Variants in KCNK12 observed in about 807,000 individuals in gnomAD.
KCNK12 encodes potassium two pore domain channel subfamily K member 12.
In KCNK12, 6 loss-of-function variants were observed where a neutral mutation model predicts 25.3. The ratio of observed to expected loss-of-function variants is 0.24; its 90% CI spans 0.13 to 0.47. The LOEUF is 0.47. Among genes scored for constraint, KCNK12 ranks in the 20% least tolerant of loss-of-function variants. The probability of loss-of-function intolerance (pLI) is 0.99; values close to 1 mark genes in which losing one functional copy is unlikely to be tolerated. For missense variants in KCNK12, 444 were observed against 661.7 expected (o/e 0.67, Z 3.61); for synonymous variants, 331 against 311.1 (o/e 1.06, Z -0.67).
chr2:47,521,857 C>T, intron 1 of KCNK12, 49 bp from the exon 2 acceptor site: 1 of 1,444,312 alleles, frequency 6.9e-7, no homozygotes. Context: ...GCAGGTGGTC[C>T]TCACTGGGCG....
Position 47,521,476 on chromosome 2 carries a change from C to T in KCNK12, c.724G>A (p.Asp242Asn). 3.1e-6 allele frequency: 5 copies of T among 1,610,068 alleles called. No homozygotes were observed. The highest frequency in any genetic ancestry group is 4.2e-6 in the Non-Finnish European group (5 of 1,178,372). Residue 242 changes from aspartate to asparagine, a missense_variant, in exon 2 of 2, where the codon GAC becomes AAC. Physicochemically the swap from Asp to Asn is conservative, Grantham distance 23. Transcript: ENST00000327876. ...SAMYTSVEGW[D>N]YVDSLYFCFV... is the part of the protein sequence containing the mutation. ...CAGAAGTAGAGCGAGTCCACGTAGT[C>T]CCAGCCCTCCACGCTGGTGTACATG...
Position 47,569,728 on chromosome 2 carries a change from G to C in KCNK12, c.391+213C>G, listed in dbSNP as rs1195175969. Among the ~76,000 whole-genome samples, 1 of 152,180 alleles carries C rather than the reference G, an allele frequency of 6.6e-6. No individual in the cohort carries two copies. The highest frequency in any genetic ancestry group is 1.5e-5 in the Non-Finnish European group (1 of 68,032). On this transcript the variant is annotated intron_variant, in intron 1 of 1. Transcript: ENST00000327876. This position sits in a 1 kb window ranked among gnomAD's most constrained non-coding sequence, Gnocchi z 4.1. ...GGAGCACAGGCGGCCCGGGGTGAGC[G>C]CCAGAGGTGGGCTTTCTTCCCTCAC...
In KCNK12 at chr2:47,512,315, A is replaced by C; in HGVS notation, c.*8592T>G. On this transcript the variant is annotated 3_prime_UTR_variant, in exon 2 of 2. Coordinates refer to ENST00000327876, the MANE Select transcript of KCNK12 (RefSeq NM_022055.2). ...TCCTTCCTTTCAGAACCTCAGAGTG[A>C]CAGAGCCAAAAGACCAGTGCCTCAT... The C allele has an allele frequency of 6.2e-7, 1 of 1,612,648 alleles. No homozygotes were observed. The highest frequency in any genetic ancestry group is 8.5e-7 in the Non-Finnish European group (1 of 1,179,820).
In KCNK12 at chr2:47,540,399, C is replaced by A. The variant is rs545093824; in HGVS notation, c.392-18591G>T. Among the ~76,000 whole-genome samples the A allele has an allele frequency of 2.6e-5, 4 of 152,156 alleles. No homozygotes were observed. Among genetic ancestry groups the A allele is most frequent in the Admixed American group, 6.5e-5 (1 of 15,280 alleles). ...TCACCTGCTCAGGGTTTGAATGAGA[C>A]CCCGGTAACCGCAGCAGTAAAGACC... On this transcript the variant is annotated intron_variant, in intron 1 of 1. Coordinates refer to ENST00000327876, the MANE Select transcript of KCNK12 (RefSeq NM_022055.2). This position sits in a 1 kb window ranked among gnomAD's most constrained non-coding sequence, Gnocchi z 5.4.
intron 1 of KCNK12, among the ~76,000 whole-genome samples, chr2:47,561,875 T>C (rs1448011747): frequency 1.3e-5 from 2 of 152,194 alleles, no homozygotes; most frequent in African/African-American, 4.8e-5. Flanking sequence ...TAAACTATAC[T>C]GGAAGGAAGG....
chr2:47,517,677 G>A lies in KCNK12; in HGVS notation c.*3230C>T, dbSNP rs1435340362. On this transcript the variant is annotated 3_prime_UTR_variant, in exon 2 of 2. Coordinates refer to ENST00000327876, the MANE Select transcript of KCNK12 (RefSeq NM_022055.2). This position sits in a 1 kb window ranked among gnomAD's most constrained non-coding sequence, Gnocchi z 4.1. The stretch of plus-strand genomic sequence containing the variant: ...AAAATGAGAGCCTGAGATTGCCTAA[G>A]CCTTCTGATGCCTTCTCCAGGCCTG... The A allele has an allele frequency of 6.6e-6, 1 of 152,152 alleles. No individual in the cohort carries two copies. Among genetic ancestry groups the A allele is most frequent in the Non-Finnish European group, 1.5e-5 (1 of 68,054 alleles). 9.4% of individuals were successfully genotyped at this position (152,152 alleles called of 1,614,324 possible).
rs1320652504 is a variant in KCNK12 at position 47,555,408 on chromosome 2, G to C, written c.391+14533C>G. Among the ~76,000 whole-genome samples the C allele has an allele frequency of 6.6e-6, 1 of 152,042 alleles. No individual in the cohort carries two copies. The highest frequency in any genetic ancestry group is 1.5e-5 in the Non-Finnish European group (1 of 68,000). On this transcript the variant is annotated intron_variant, in intron 1 of 1. Transcript: ENST00000327876. This position sits in a 1 kb window ranked among gnomAD's most constrained non-coding sequence, Gnocchi z 4.5. ...CCCTCTCTGTACTCTTAATCACTGG[G>C]GACCCCACTGTCACTCTAGAGATTT...
rs537658844 is a variant in KCNK12, at chr2:47,531,411, T to C, written c.392-9603A>G. Among the ~76,000 whole-genome samples the C allele has an allele frequency of 2.2e-4, 34 of 151,732 alleles. 1 individual carries two copies. Among genetic ancestry groups the C allele is most frequent in the Middle Eastern group, 6.8e-3 (2 of 292 alleles). ...TGGCTTGAGCCCTGGAGGTCAAGGC[T>C]GCAGTGAGCCATGACTGCACCCTTG... On this transcript the variant is annotated intron_variant, in intron 1 of 1. Transcript: ENST00000327876.
chr2:47,521,925 T>C lies in KCNK12; in HGVS notation c.392-117A>G, dbSNP rs1006218786. 351 of 790,512 alleles carry C rather than the reference T, an allele frequency of 4.4e-4. 1 individual carries two copies. The highest frequency in any genetic ancestry group is 5.5e-4 in the Non-Finnish European group (288 of 522,740). 49.0% of individuals were successfully genotyped at this position (790,512 alleles called of 1,614,324 possible). A position where few individuals can be genotyped will look rare whatever the true frequency, so the allele number is the denominator to read the frequency against. Reference sequence around the variant, plus strand: ...GTGCTTGCGCGGCTCCTATCTCGAGTGGCACCACTCAGGTGGAGGAAGAAC... The same window carrying C: ...GTGCTTGCGCGGCTCCTATCTCGAGCGGCACCACTCAGGTGGAGGAAGAAC... On this transcript the variant is annotated intron_variant, in intron 1 of 1. Coordinates refer to ENST00000327876, the MANE Select transcript of KCNK12 (RefSeq NM_022055.2).
chr2:47,532,191 G>A (rs1337319637), intron 1 of KCNK12, among the ~76,000 whole-genome samples: 1 of 150,080 alleles, frequency 6.7e-6, no homozygotes, highest in African/African-American at 2.5e-5. Flanking sequence ...ACACATTCTA[G>A]TAACAATAAG....
chr2:47,556,781 C>A lies in KCNK12; in HGVS notation c.391+13160G>T, dbSNP rs1558563716. The stretch of plus-strand genomic sequence containing the variant: ...GTGGGAGTGTAAAGGACCTGTAGGT[C>A]TTACAGCCAAAGGATTATGATCTCA... On this transcript the variant is annotated intron_variant, in intron 1 of 1. Coordinates refer to ENST00000327876, the MANE Select transcript of KCNK12 (RefSeq NM_022055.2). The surrounding 1 kb of genome is among the most constrained non-coding windows in gnomAD (Gnocchi z 4.8). 6.6e-6 allele frequency among the ~76,000 whole-genome samples: 1 copy of A among 152,126 alleles called. No individual in the cohort carries two copies. The highest frequency in any genetic ancestry group is 1.5e-5 in the Non-Finnish European group (1 of 68,038).
intron 1 of KCNK12, chr2:47,563,776 C>T (rs1168477072): frequency 2.1e-5 from 5 of 232,842 alleles, no homozygotes; most frequent in African/African-American, 2.2e-5. Flanking sequence ...TATGAAGGAT[C>T]TTTGTGGTGC....
rs1035025904 is a variant in KCNK12, at chr2:47,546,947, C to G, written c.391+22994G>C. Among the ~76,000 whole-genome samples the G allele has an allele frequency of 8.1e-4, 123 of 152,196 alleles. 1 individual carries two copies. Among genetic ancestry groups the G allele is most frequent in the African/African-American group, 2.9e-3 (120 of 41,510 alleles). ...AGGGGAGGGAGGGAGGGGAACTGCCCTGAAGAACCCTGGAGAGACTTGGGT... is the reference window on the plus strand; with the variant it reads ...AGGGGAGGGAGGGAGGGGAACTGCCGTGAAGAACCCTGGAGAGACTTGGGT... On this transcript the variant is annotated intron_variant, in intron 1 of 1. Transcript: ENST00000327876.
chr2:47,570,293 G>T lies in KCNK12; in HGVS notation c.39C>A (p.Ser13Arg). ...AGGAGGGGCGCGGCAGGCGGCGGCG[G>T]CTACGGCGGGGCGGGGGCCGGGGGC... ...SRSPRPPPRRSRRRLPRPSCC... is the reference protein window; with the variant it reads ...SRSPRPPPRRRRRRLPRPSCC... Residue 13 changes from serine (S) to arginine (R), a missense_variant, in exon 1 of 2, where the codon AGC becomes AGA. Transcript: ENST00000327876. 1 of 1,372,920 alleles carries T rather than the reference G, an allele frequency of 7.3e-7. No homozygotes were observed. The allele number at this position is 1,372,920 out of a possible 1,614,324, so 85.0% of individuals were successfully genotyped here. A position where few individuals can be genotyped will look rare whatever the true frequency, so the allele number is the denominator to read the frequency against.
chr2:47,526,018 ATTAGAAGTGAAT>A (rs1364384829), intron 1 of KCNK12, among the ~76,000 whole-genome samples: 1 of 152,192 alleles, frequency 6.6e-6, no homozygotes, highest in Non-Finnish European at 1.5e-5. Flanking sequence ...ATAAGCTCTG[ATTAGAAGTGAAT>A]TTGAAGATTT....
chr2:47,530,061 A>G (rs569050500), intron 1 of KCNK12, among the ~76,000 whole-genome samples: 19 of 152,148 alleles, frequency 1.2e-4, no homozygotes, highest in African/African-American at 4.6e-4. Context: ...ATCCTTCCTG[A>G]CTGGCCAGTG....
chr2:47,536,579 G>A (rs1669073848), intron 1 of KCNK12, among the ~76,000 whole-genome samples: 1 of 152,200 alleles, frequency 6.6e-6, no homozygotes, highest in Non-Finnish European at 1.5e-5. Flanking sequence ...AGACTATGGT[G>A]AATAAGATTG....
rs1346228680 is a variant in KCNK12 at position 47,517,798 on chromosome 2, C to G, written c.*3109G>C. ...GGCTTCTTTACCTTTCTCCTCAGCT[C>G]TGAGAAGGCTGCTAGCCAAGACTCT... is the stretch of plus-strand genomic sequence containing the variant. On this transcript the variant is annotated 3_prime_UTR_variant, in exon 2 of 2. Transcript: ENST00000327876. The surrounding 1 kb of genome is among the most constrained non-coding windows in gnomAD (Gnocchi z 4.1). The G allele has an allele frequency of 2.6e-5, 4 of 152,198 alleles. No individual in the cohort carries two copies. The highest frequency in any genetic ancestry group is 5.9e-5 in the Non-Finnish European group (4 of 68,062). The allele number at this position is 152,198 out of a possible 1,614,324, so 9.4% of individuals were successfully genotyped here.
intron 1 of KCNK12, among the ~76,000 whole-genome samples, chr2:47,544,230 G>C (rs373828955): frequency 6.6e-6 from 1 of 152,132 alleles, no homozygotes; most frequent in Non-Finnish European, 1.5e-5. Flanking sequence ...GTGGTGTTTC[G>C]GGGATAAAGC....
Sources: gnomAD v4.1 joint callset for allele counts (sites outside exome capture counted in the v4.1 genomes callset) on GRCh38, gnomAD v4.1.1 for gene constraint, Gnocchi (gnomAD v3.1) non-coding constraint, MANE v1.5 for transcripts, NCBI Gene and HGNC (gene_info 2026-07-23, HGNC 2026-07-21) for gene names.